The following FAM184B variants were observed in gnomAD, a reference collection of about 807,000 sequenced individuals.
FAM184B encodes protein FAM184B.
Under a neutral mutation model 135.9 loss-of-function variants are expected in FAM184B, and 111 were observed. The observed-to-expected ratio is 0.82, with a 90% CI of 0.70 to 0.96. FAM184B has a LOEUF of 0.96. FAM184B is among the 40% of genes least tolerant of loss of function. The pLI, the probability that FAM184B is intolerant of heterozygous loss-of-function variation, is 0.00. For synonymous variants in FAM184B, 552 were observed against 524.8 expected (o/e 1.05, Z -0.71); for missense variants, 1,375 against 1,323.9 (o/e 1.04, Z -0.60).
At position 17,652,837 on chromosome 4, in the gene FAM184B, C is replaced by T. The variant is rs780741597; in HGVS notation, c.2184G>A (p.Leu728=). The T allele has an allele frequency of 3.2e-6, 5 of 1,551,058 alleles. No homozygotes were observed. Among genetic ancestry groups the T allele is most frequent in the Non-Finnish European group, 4.4e-6 (5 of 1,146,820 alleles). The change falls in exon 11 of 18, where the codon CTG becomes CTA. Residue 728 remains leucine, a synonymous_variant. Coordinates refer to ENST00000265018, the MANE Select transcript of FAM184B (RefSeq NM_015688.2). ...ERERMQAQQA[L]LLESLRQELS... is the part of the protein sequence containing the mutation. ...ACACTATTGGGTGTATACCTAGCAG[C>T]AGGGCCTGCTGTGCCTGCATCCTCT...
intron 1 of FAM184B, among the ~76,000 whole-genome samples, chr4:17,766,140 C>T (rs571633670): frequency 3.3e-5 from 5 of 152,296 alleles, no homozygotes; most frequent in African/African-American, 1.2e-4. Flanking sequence ...GTTGCCATTG[C>T]TGGGTCAGGC....
chr4:17,717,995 G>A (rs924690746), intron 1 of FAM184B, among the ~76,000 whole-genome samples: 6 of 152,088 alleles, frequency 3.9e-5, no homozygotes, highest in Admixed American at 6.5e-5. Context: ...TTTATGCTTA[G>A]CCTTATTTTA....
At chr4:17,740,125 G>C (rs1358849727) in intron 1 of FAM184B, among the ~76,000 whole-genome samples, 1 of 151,952 alleles carries the variant, frequency 6.6e-6, no homozygotes, top group Non-Finnish European at 1.5e-5. Flanking sequence ...GCTGAGGTGG[G>C]CGGATCGCAG....
At chr4:17,734,882 G>C (rs572503969) in intron 1 of FAM184B, among the ~76,000 whole-genome samples, 30 of 151,914 alleles carry the variant, frequency 2.0e-4, no homozygotes, top group Non-Finnish European at 3.2e-4. Context: ...ACATGCACAC[G>C]TATGTTTACT....
intron 6 of FAM184B, among the ~76,000 whole-genome samples, chr4:17,689,871 G>A (rs182487560): frequency 2.9e-3 from 440 of 152,204 alleles, no homozygotes; most frequent in African/African-American, 0.01. Flanking sequence ...CAATAGGGCC[G>A]GGTGTGGTGG....
At position 17,632,380 on chromosome 4, in the gene FAM184B, G is replaced by A. The variant is rs1011789750; in HGVS notation, c.*152C>T. On this transcript the variant is annotated 3_prime_UTR_variant, in exon 18 of 18. Transcript: ENST00000265018. ...GTGAGCTGCTGTGCCTGGCAGAACA[G>A]TATGAAGTGTTAACGCCAAAATTTG... 17 of 573,924 alleles carry A rather than the reference G, an allele frequency of 3.0e-5. No individual in the cohort carries two copies. In the African/African-American group the frequency reaches 3.2e-4, roughly 11 times the overall value. 35.6% of individuals were successfully genotyped at this position (573,924 alleles called of 1,614,324 possible).
intron 1 of FAM184B, among the ~76,000 whole-genome samples, chr4:17,718,214 T>C (rs1472255398): frequency 6.6e-6 from 1 of 152,172 alleles, no homozygotes; most frequent in Non-Finnish European, 1.5e-5. Context: ...TCTTAAAAAA[T>C]TCATTAGTTA....
At chr4:17,671,259 A>G (rs958056307) in intron 7 of FAM184B, among the ~76,000 whole-genome samples, 5 of 152,050 alleles carry the variant, frequency 3.3e-5, no homozygotes, top group Admixed American at 1.3e-4. Context: ...AAAGGAGTTA[A>G]TTGGCATGTC....
In FAM184B at chr4:17,633,686, A is replaced by C; in HGVS notation, c.3089+3T>G. Reference sequence around the variant, plus strand: ...GGGCCCCTGTCCCCAACATCCCCCAAACCTTGTGGCAGTTTTTGCATCTGT... The same window carrying C: ...GGGCCCCTGTCCCCAACATCCCCCACACCTTGTGGCAGTTTTTGCATCTGT... On this transcript the variant is annotated splice_donor_region_variant and intron_variant, in intron 17 of 17. Coordinates refer to ENST00000265018, the MANE Select transcript of FAM184B (RefSeq NM_015688.2). 6.6e-7 allele frequency: 1 copy of C among 1,525,142 alleles called. No homozygotes were observed. The highest frequency in any genetic ancestry group is 2.1e-5 in the Admixed American group (1 of 47,478). The allele number at this position is 1,525,142 out of a possible 1,614,324, so 94.5% of individuals were successfully genotyped here. A position where few individuals can be genotyped will look rare whatever the true frequency, so the allele number is the denominator to read the frequency against.
chr4:17,685,460 A>G (rs528953864), intron 7 of FAM184B, among the ~76,000 whole-genome samples: 165 of 150,892 alleles, frequency 1.1e-3, no homozygotes, highest in African/African-American at 3.7e-3. Flanking sequence ...GAGGCAGAAG[A>G]ATCGCTTGAA....
Position 17,709,270 on chromosome 4 carries a change from C to A in FAM184B, c.516G>T (p.Pro172=). ...GGCTCTCCTGGGGCAGCCGGCCCTGCGGGGTAGCCTCGTGGCTCGTCAGGT... is the reference window on the plus strand; with the variant it reads ...GGCTCTCCTGGGGCAGCCGGCCCTGAGGGGTAGCCTCGTGGCTCGTCAGGT... ...LQHLTSHEAT[P]QGRLPQESPE... The change falls in exon 2 of 18, where the codon CCG becomes CCT. Residue 172 remains proline (P), a synonymous_variant. Coordinates refer to ENST00000265018, the MANE Select transcript of FAM184B (RefSeq NM_015688.2). 4 of 1,547,716 alleles carry A rather than the reference C, an allele frequency of 2.6e-6. No individual in the cohort carries two copies. The highest frequency in any genetic ancestry group is 3.5e-6 in the Non-Finnish European group (4 of 1,145,010).
At chr4:17,759,158 C>T (rs1718486795) in intron 1 of FAM184B, among the ~76,000 whole-genome samples, 1 of 152,216 alleles carries the variant, frequency 6.6e-6, no homozygotes, top group East Asian at 1.9e-4. Flanking sequence ...GGGCTGGCTT[C>T]TGTTTCTCCC....
At chr4:17,644,673 G>A (rs185725461) in intron 12 of FAM184B, among the ~76,000 whole-genome samples, 91 of 152,286 alleles carry the variant, frequency 6.0e-4, no homozygotes, top group African/African-American at 1.6e-3. Flanking sequence ...TTTGAAAACT[G>A]GGACAAGATA....
At position 17,642,088 on chromosome 4, in the gene FAM184B, C is replaced by T. The variant is rs1450166933; in HGVS notation, c.2487G>A (p.Gln829=). Residue 829 remains glutamine (Q), a synonymous_variant, in exon 13 of 18, where the codon CAG becomes CAA. Transcript: ENST00000265018. Reference sequence around the variant, plus strand: ...GGTCTCGGAGCTTCTGCGCCTCCTGCTGATGCTGCTCCACCTCCGCGCGCA... The same window carrying T: ...GGTCTCGGAGCTTCTGCGCCTCCTGTTGATGCTGCTCCACCTCCGCGCGCA... The part of the protein sequence containing the change: ...RRLRAEVEQH[Q]QEAQKLRDQR... 6.5e-7 allele frequency: 1 copy of T among 1,532,488 alleles called. No individual in the cohort carries two copies. 94.9% of individuals were successfully genotyped at this position (1,532,488 alleles called of 1,614,324 possible).
chr4:17,703,859 AG>A (rs1577267852), intron 5 of FAM184B, among the ~76,000 whole-genome samples: 1 of 151,032 alleles, frequency 6.6e-6, no homozygotes, highest in East Asian at 2.0e-4. Context: ...TGAACCCGGC[AG>A]GTGGAGGTTG....
In FAM184B at chr4:17,680,323, T is replaced by C. The variant is rs894174288; in HGVS notation, c.1596+8101A>G. ...GTTTTGTTTGTTTTTGAGCCTGTCTTGTACCTGGTTGCACTAAATATATAA... is the reference window on the plus strand; with the variant it reads ...GTTTTGTTTGTTTTTGAGCCTGTCTCGTACCTGGTTGCACTAAATATATAA... On this transcript the variant is annotated intron_variant, in intron 7 of 17. Transcript: ENST00000265018. 9.8e-5 allele frequency among the ~76,000 whole-genome samples: 15 copies of C among 152,332 alleles called. 1 individual carries two copies. The highest frequency in any genetic ancestry group is 3.9e-4 in the Admixed American group (6 of 15,290).
At chr4:17,640,580 TAAA>T (rs896099286) in intron 13 of FAM184B, among the ~76,000 whole-genome samples, 1 of 89,128 alleles carries the variant, frequency 1.1e-5, no homozygotes, top group Non-Finnish European at 2.4e-5. Flanking sequence ...TGACAAATAT[TAAA>T]AAAAAGGAAT....
chr4:17,688,322 TAA>T, intron 7 of FAM184B, 100 bp downstream of exon 7: 2 of 835,152 alleles, frequency 2.4e-6, no homozygotes, highest in Non-Finnish European at 1.9e-6. Flanking sequence ...AGGAGAGATG[TAA>T]AAGAGCCCAT....
At chr4:17,662,004 C>T (rs1460734876) in intron 8 of FAM184B, among the ~76,000 whole-genome samples, 1 of 152,162 alleles carries the variant, frequency 6.6e-6, no homozygotes, top group East Asian at 1.9e-4. Flanking sequence ...ATTTTCATTA[C>T]CCAAAAACTT....
Sources: gnomAD v4.1 joint callset for allele counts (sites outside exome capture counted in the v4.1 genomes callset) on GRCh38, gnomAD v4.1.1 for gene constraint, MANE v1.5 for transcripts, NCBI Gene and HGNC (gene_info 2026-07-23, HGNC 2026-07-21) for gene names.